TMEM178B: variants seen among roughly 807,000 people sequenced by gnomAD.
TMEM178B encodes transmembrane protein 178B.
A neutral mutation model predicts 31.0 loss-of-function variants in TMEM178B; 5 were observed. That is an observed-to-expected ratio of 0.16 (90% CI 0.08 to 0.34). The LOEUF (loss-of-function observed/expected upper bound fraction) is 0.34, where lower values mean the gene tolerates loss of function less well. Ranked by LOEUF, TMEM178B falls within the 10% of genes least tolerant of loss-of-function variation. The pLI, the probability that TMEM178B is intolerant of heterozygous loss-of-function variation, is 1.00. For missense variants in TMEM178B, 275 were observed against 400.3 expected (o/e 0.69, Z 2.67); for synonymous variants, 164 against 164.0 (o/e 1.00, Z 0.00).
chr7:141,337,185 G>T (rs987883690), intron 2 of TMEM178B, among the ~76,000 whole-genome samples: 59 of 8,868 alleles, frequency 6.7e-3, no homozygotes, highest in South Asian at 0.011. Context: ...ACCACCACCA[G>T]CACCACCACC....
At chr7:141,364,442 T>C (rs1312717652) in intron 2 of TMEM178B, among the ~76,000 whole-genome samples, 1 of 152,050 alleles carries the variant, frequency 6.6e-6, no homozygotes, top group African/African-American at 2.4e-5. Context: ...GGGCGGATCC[T>C]GAGGTCAGGA....
chr7:141,330,927 G>T (rs1799288880), intron 2 of TMEM178B, among the ~76,000 whole-genome samples: 1 of 152,204 alleles, frequency 6.6e-6, no homozygotes, highest in African/African-American at 2.4e-5. Context: ...CCTTTAATTT[G>T]AAGGTTGAGC....
At chr7:141,103,471 A>G (rs1307135136) in intron 1 of TMEM178B, among the ~76,000 whole-genome samples, 1 of 152,164 alleles carries the variant, frequency 6.6e-6, no homozygotes, top group Non-Finnish European at 1.5e-5. Context: ...AGCACATATC[A>G]TATTACACTA....
At chr7:141,447,652 C>T (rs1801785010) in intron 3 of TMEM178B, among the ~76,000 whole-genome samples, 1 of 152,110 alleles carries the variant, frequency 6.6e-6, no homozygotes, top group East Asian at 1.9e-4. Context: ...GCTATGTCAG[C>T]CTCTCTACCA....
chr7:141,346,521 T>C (rs546823178), intron 2 of TMEM178B, among the ~76,000 whole-genome samples: 1 of 152,290 alleles, frequency 6.6e-6, no homozygotes, highest in African/African-American at 2.4e-5. Context: ...GTTAGGACCT[T>C]ATAAGTATCA....
intron 2 of TMEM178B, among the ~76,000 whole-genome samples, chr7:141,428,152 T>C (rs945289507): frequency 1.3e-5 from 2 of 151,768 alleles, no homozygotes; most frequent in Non-Finnish European, 2.9e-5. Flanking sequence ...AGTCTCCCAA[T>C]AGATAGAAAA....
intron 1 of TMEM178B, among the ~76,000 whole-genome samples, chr7:141,148,255 A>C (rs534417095): frequency 6.6e-6 from 1 of 152,098 alleles, no homozygotes; most frequent in African/African-American, 2.4e-5. Flanking sequence ...TTGAGATTAC[A>C]TTGGGCCTAC....
chr7:141,388,329 A>C (rs1177901248), intron 2 of TMEM178B, among the ~76,000 whole-genome samples: 1 of 152,156 alleles, frequency 6.6e-6, no homozygotes, highest in East Asian at 1.9e-4. Flanking sequence ...CCTGAGATAA[A>C]GCATGTGCAC....
the TMEM178B span, among the ~76,000 whole-genome samples, chr7:141,491,118 C>T: frequency 6.6e-6 from 1 of 152,086 alleles, no homozygotes; most frequent in African/African-American, 2.4e-5. Context: ...GCCTTGACCT[C>T]CCCAACTCAA....
Position 141,074,785 on chromosome 7 carries a change from C to T in TMEM178B, c.382+93C>T. ...GTCTCCTTCCCAGGCCACAGGCTATCAGGTCTCTGGGTTCCAGGCGGTCCG... is the reference window on the plus strand; with the variant it reads ...GTCTCCTTCCCAGGCCACAGGCTATTAGGTCTCTGGGTTCCAGGCGGTCCG... On this transcript the variant is annotated intron_variant, in intron 1 of 3. Coordinates refer to ENST00000565468, the MANE Select transcript of TMEM178B (RefSeq NM_001195278.2). The surrounding 1 kb of genome is among the most constrained non-coding windows in gnomAD (Gnocchi z 5.1). 1 of 1,423,618 alleles carries T rather than the reference C, an allele frequency of 7.0e-7. No individual in the cohort carries two copies. The highest frequency in any genetic ancestry group is 9.2e-7 in the Non-Finnish European group (1 of 1,089,742). 88.2% of individuals were successfully genotyped at this position (1,423,618 alleles called of 1,614,324 possible).
At chr7:141,089,565 G>T (rs1794844784) in intron 1 of TMEM178B, among the ~76,000 whole-genome samples, 1 of 152,200 alleles carries the variant, frequency 6.6e-6, no homozygotes, top group Non-Finnish European at 1.5e-5. Context: ...GCACACATAT[G>T]TTTATTGCGG....
intron 3 of TMEM178B, among the ~76,000 whole-genome samples, chr7:141,450,684 T>C (rs1353497288): frequency 6.6e-6 from 1 of 151,980 alleles, no homozygotes; most frequent in Admixed American, 6.6e-5. Flanking sequence ...AAAACCCCCA[T>C]AGGAGGCAGG....
chr7:141,311,932 A>G (rs1332616018), intron 2 of TMEM178B, among the ~76,000 whole-genome samples: 1 of 152,224 alleles, frequency 6.6e-6, no homozygotes, highest in African/African-American at 2.4e-5. Context: ...GACAGAGTCA[A>G]GGGATGCATC....
At chr7:141,446,846 A>G (rs1216771494) in intron 3 of TMEM178B, among the ~76,000 whole-genome samples, 3 of 152,104 alleles carry the variant, frequency 2.0e-5, no homozygotes, top group African/African-American at 7.2e-5. Context: ...AATACCTTTT[A>G]AGTTATTATT....
intron 2 of TMEM178B, among the ~76,000 whole-genome samples, chr7:141,391,201 C>T (rs1433347725): frequency 6.6e-6 from 1 of 152,064 alleles, no homozygotes; most frequent in Non-Finnish European, 1.5e-5. Flanking sequence ...GAGTCTCACT[C>T]TGTCGCCAGA....
rs368410912 is a variant in TMEM178B at position 141,094,902 on chromosome 7, A to G, written c.382+20210A>G. On this transcript the variant is annotated intron_variant, in intron 1 of 3. Transcript: ENST00000565468. ...TCTGATTAAATGACTGAAGACCTAT[A>G]GTGATGCAGAATCAATTTCTTTGTT... Among the ~76,000 whole-genome samples, 200 of 152,320 alleles carry G rather than the reference A, an allele frequency of 1.3e-3. 5 individuals carry two copies. The South Asian group carries it at 0.041, about 31-fold the overall frequency.
At chr7:141,186,679 G>A (rs1796614466) in intron 1 of TMEM178B, among the ~76,000 whole-genome samples, 1 of 152,224 alleles carries the variant, frequency 6.6e-6, no homozygotes, top group Non-Finnish European at 1.5e-5. Context: ...ATATGGCATG[G>A]GTGGCCAAGG....
intron 1 of TMEM178B, among the ~76,000 whole-genome samples, chr7:141,138,845 G>A (rs1795719392): frequency 6.6e-6 from 1 of 151,962 alleles, no homozygotes; most frequent in Non-Finnish European, 1.5e-5. Context: ...TTAGCCGGGT[G>A]TGGTGGCACG....
chr7:141,319,945 A>AG (rs1799070127), intron 2 of TMEM178B, among the ~76,000 whole-genome samples: 2 of 152,260 alleles, frequency 1.3e-5, no homozygotes, highest in South Asian at 4.2e-4. Context: ...TTGATATGAT[A>AG]TGGTTTGGCT....
Sources: gnomAD v4.1 joint callset for allele counts (sites outside exome capture counted in the v4.1 genomes callset) on GRCh38, gnomAD v4.1.1 for gene constraint, Gnocchi (gnomAD v3.1) non-coding constraint, MANE v1.5 for transcripts, NCBI Gene and HGNC (gene_info 2026-07-23, HGNC 2026-07-21) for gene names.